The following KCNN2 variants were observed in gnomAD, a reference collection of about 807,000 sequenced individuals.
The protein encoded by KCNN2 is potassium calcium-activated channel subfamily N member 2.
Under a neutral mutation model 55.5 loss-of-function variants are expected in KCNN2, and 24 were observed. That is an observed-to-expected ratio of 0.43 (90% CI 0.31 to 0.61). KCNN2 has a LOEUF of 0.61. Among genes scored for constraint, KCNN2 ranks in the 20% least tolerant of loss-of-function variants. KCNN2 has a pLI of 0.08. For missense variants in KCNN2, 754 were observed against 853.6 expected (o/e 0.88, Z 1.45); for synonymous variants, 431 against 336.1 (o/e 1.28, Z -3.09).
intron 2 of KCNN2, among the ~76,000 whole-genome samples, chr5:114,395,953 C>T (rs556215741): frequency 1.1e-3 from 166 of 152,306 alleles, no homozygotes; most frequent in African/African-American, 3.8e-3. Context: ...TAACAGTTTT[C>T]TGAAATTTAC....
At chr5:114,449,804 G>T (rs1381565645) in intron 3 of KCNN2, among the ~76,000 whole-genome samples, 4 of 151,880 alleles carry the variant, frequency 2.6e-5, no homozygotes, top group East Asian at 3.9e-4. Context: ...ATCTCAGAGG[G>T]GTGAAATGTA....
chr5:114,394,786 T>G (rs1401129782), intron 2 of KCNN2, among the ~76,000 whole-genome samples: 1 of 152,174 alleles, frequency 6.6e-6, no homozygotes, highest in Non-Finnish European at 1.5e-5. Flanking sequence ...ATTATGAAAT[T>G]CTCAGTATAT....
chr5:114,223,002 A>G (rs994264084), intron 2 of KCNN2, among the ~76,000 whole-genome samples: 2 of 152,198 alleles, frequency 1.3e-5, no homozygotes, highest in African/African-American at 4.8e-5. Flanking sequence ...TTCTGCTTTC[A>G]TGCTGTCCAT....
intron 2 of KCNN2, among the ~76,000 whole-genome samples, chr5:114,388,417 A>G (rs1758350129): frequency 6.6e-6 from 1 of 152,204 alleles, no homozygotes; most frequent in South Asian, 2.1e-4. Context: ...TTTTCTGTAC[A>G]GTGTAACAAT....
intron 1 of KCNN2, among the ~76,000 whole-genome samples, chr5:114,177,034 C>G (rs1453524005): frequency 6.6e-6 from 1 of 151,974 alleles, no homozygotes; most frequent in African/African-American, 2.4e-5. Context: ...GGTCTACAAT[C>G]ACTTCATTCA....
At chr5:114,159,483 G>A (rs554283840) in intron 1 of KCNN2, among the ~76,000 whole-genome samples, 2 of 152,218 alleles carry the variant, frequency 1.3e-5, no homozygotes, top group Non-Finnish European at 2.9e-5. Flanking sequence ...TTGTGTCTGT[G>A]CCAGGCTTTG....
intron 2 of KCNN2, among the ~76,000 whole-genome samples, chr5:114,390,258 TTTTA>T (rs1484851054): frequency 6.6e-6 from 1 of 152,196 alleles, no homozygotes; most frequent in African/African-American, 2.4e-5. Flanking sequence ...ACCAGGCTTA[TTTTA>T]TTTATGATTG....
intron 2 of KCNN2, among the ~76,000 whole-genome samples, chr5:114,395,740 G>GTTTTTAA (rs1380007132): frequency 6.6e-6 from 1 of 152,170 alleles, no homozygotes; most frequent in Non-Finnish European, 1.5e-5. Context: ...CCACTGGACA[G>GTTTTTAA]TTTTTAATTG....
At chr5:114,242,832 C>G (rs1754671426) in intron 2 of KCNN2, among the ~76,000 whole-genome samples, 1 of 152,094 alleles carries the variant, frequency 6.6e-6, no homozygotes, top group African/African-American at 2.4e-5. Flanking sequence ...ATTGCTTCCC[C>G]TATTACAAAT....
intron 1 of KCNN2, among the ~76,000 whole-genome samples, chr5:114,199,666 A>C (rs1318951129): frequency 6.6e-6 from 1 of 151,358 alleles, no homozygotes; most frequent in Admixed American, 6.6e-5. Flanking sequence ...CCCATGTTTG[A>C]GACTCCTTTA....
At chr5:114,124,898 C>T (rs766696732) in intron 1 of KCNN2, among the ~76,000 whole-genome samples, 8 of 152,110 alleles carry the variant, frequency 5.3e-5, no homozygotes, top group South Asian at 2.1e-4. Context: ...TCACATCTAT[C>T]GTTAGAAATA....
intron 1 of KCNN2, among the ~76,000 whole-genome samples, chr5:114,201,038 C>A (rs1287833798): frequency 1.3e-5 from 2 of 151,696 alleles, no homozygotes; most frequent in Admixed American, 1.3e-4. Context: ...AGTGGTGGAC[C>A]CTGTGTGTGA....
upstream of KCNN2, among the ~76,000 whole-genome samples, chr5:114,357,353 C>G (rs36939): frequency 0.82 from 118,267 of 144,644 alleles, 48,580 homozygotes; most frequent in East Asian, 0.97. Context: ...CATTGTGCAG[C>G]TTAGTTACAT....
chr5:114,105,632 T>C (rs896433028), intron 1 of KCNN2, among the ~76,000 whole-genome samples: 2 of 152,072 alleles, frequency 1.3e-5, no homozygotes, highest in African/African-American at 4.8e-5. Context: ...AAATCAAATA[T>C]ATTTCACATT....
At chr5:114,411,528 C>G (rs963511597) in intron 3 of KCNN2, among the ~76,000 whole-genome samples, 1 of 152,102 alleles carries the variant, frequency 6.6e-6, no homozygotes, top group Admixed American at 6.6e-5. Flanking sequence ...CAGTCCAAAG[C>G]TGAAGGCCTG....
At chr5:114,152,136 T>A (rs1360227725) in intron 1 of KCNN2, among the ~76,000 whole-genome samples, 3 of 152,170 alleles carry the variant, frequency 2.0e-5, no homozygotes, top group African/African-American at 7.2e-5. Flanking sequence ...AATAAAAATG[T>A]CTCATTATAG....
At chr5:114,274,483 C>T (rs12055203) in intron 2 of KCNN2, among the ~76,000 whole-genome samples, 24,504 of 152,074 alleles carry the variant, frequency 0.16, 3,514 homozygotes, top group East Asian at 0.81. Flanking sequence ...GAATGTTTTT[C>T]GATTTGTTTG....
intron 1 of KCNN2, among the ~76,000 whole-genome samples, chr5:114,106,622 G>T (rs1751487580): frequency 6.9e-6 from 1 of 145,192 alleles, no homozygotes; most frequent in Non-Finnish European, 1.5e-5. Flanking sequence ...GGTGACTAAT[G>T]GCACTGAGGA....
In KCNN2 at chr5:114,404,671, C is replaced by T; in HGVS notation, c.1452C>T (p.Val484=). Residue 484 remains valine, a synonymous_variant, in exon 3 of 8, where the codon GTC becomes GTT. Coordinates refer to ENST00000673685, the MANE Select transcript of KCNN2 (RefSeq NM_021614.4). The stretch of plus-strand genomic sequence containing the variant: ...TAAGACTCTATCTGATTGCCAGAGT[C>T]ATGCTTTTACATAGCAAACTTTTCA... The part of the protein sequence containing the change: ...MFLRLYLIAR[V]MLLHSKLFTD... 6.2e-7 allele frequency: 1 copy of T among 1,614,006 alleles called. No homozygotes were observed. The highest frequency in any genetic ancestry group is 8.5e-7 in the Non-Finnish European group (1 of 1,179,958).
Sources: gnomAD v4.1 joint callset for allele counts (sites outside exome capture counted in the v4.1 genomes callset) on GRCh38, gnomAD v4.1.1 for gene constraint, MANE v1.5 for transcripts, NCBI Gene and HGNC (gene_info 2026-07-23, HGNC 2026-07-21) for gene names.